ZFAND4: variants seen among roughly 807,000 people sequenced by gnomAD.
ZFAND4 encodes zinc finger AN1-type containing 4, also known as AN1-type zinc finger protein 4.
ZFAND4 carries 43 observed loss-of-function variants against 64.4 expected under a neutral mutation model. That is an observed-to-expected ratio of 0.67 (90% confidence interval 0.52 to 0.86). ZFAND4 has a LOEUF of 0.86. Among genes scored for constraint, ZFAND4 ranks in the 40% least tolerant of loss-of-function variants. The pLI is 0.00. For synonymous variants in ZFAND4, 296 were observed against 305.7 expected (o/e 0.97, Z 0.33); for missense variants, 929 against 859.8 (o/e 1.08, Z -1.01).
At chr10:45,630,712 C>G (rs2046146839) in intron 6 of ZFAND4, among the ~76,000 whole-genome samples, 1 of 151,802 alleles carries the variant, frequency 6.6e-6, no homozygotes, top group African/African-American at 2.4e-5. Context: ...GGCGACACAG[C>G]AAGACTCCAT....
At chr10:45,643,367 T>A (rs2047155434) in intron 5 of ZFAND4, among the ~76,000 whole-genome samples, 1 of 151,794 alleles carries the variant, frequency 6.6e-6, no homozygotes. Flanking sequence ...TCCTTATCTA[T>A]CTTTCTGCTT....
Position 45,616,487 on chromosome 10 carries a change from G to GT in ZFAND4, c.2132dup (p.Tyr711Ter). Residue 711 changes from tyrosine (Y) to a stop codon, truncating the protein, a stop_gained and frameshift_variant, in exon 10 of 10, where the codon TAC (tyrosine) becomes TAAC (stop). Coordinates refer to ENST00000344646, the MANE Select transcript of ZFAND4 (RefSeq NM_174890.4). LOFTEE classifies it high-confidence loss of function. ...TAACCACAGGATTTGCCTCGTGCAA[G>GT]TATCTCCTCCCTGCACTCTTGTAAT... ...TYDYKSAGRRYLHEANPVVNA... is the reference protein window; with the variant it reads ...TYDYKSAGRR The GT allele has an allele frequency of 1.2e-6, 2 of 1,614,222 alleles. No individual in the cohort carries two copies. The highest frequency in any genetic ancestry group is 1.7e-6 in the Non-Finnish European group (2 of 1,180,034).
At chr10:45,638,800 C>T (rs2046796510) in intron 6 of ZFAND4, among the ~76,000 whole-genome samples, 1 of 152,128 alleles carries the variant, frequency 6.6e-6, no homozygotes, top group Admixed American at 6.5e-5. Context: ...ATACATACAA[C>T]CACATGGATA....
chr10:45,644,503 C>T (rs1043354741), intron 5 of ZFAND4, among the ~76,000 whole-genome samples: 5 of 151,958 alleles, frequency 3.3e-5, no homozygotes, highest in Non-Finnish European at 7.4e-5. Flanking sequence ...GCTATAAAAC[C>T]AAAGAAGTTT....
At chr10:45,642,905 C>T (rs59390133) in intron 5 of ZFAND4, among the ~76,000 whole-genome samples, 18,287 of 142,912 alleles carry the variant, frequency 0.13, 1,345 homozygotes, top group Admixed American at 0.19. Flanking sequence ...GTAATTTCTC[C>T]AAATCTTTTT....
At chr10:45,650,875 G>A (rs2047715636) in intron 4 of ZFAND4, 1 of 152,014 alleles carries the variant, frequency 6.6e-6, no homozygotes, top group Non-Finnish European at 1.5e-5. Flanking sequence ...AAAAGTCTCT[G>A]GTATCAGGAG....
intron 2 of ZFAND4, 133 bp from the exon 3 acceptor site, chr10:45,653,192 T>G (rs1042788248): frequency 1.6e-6 from 1 of 643,900 alleles, no homozygotes; most frequent in Non-Finnish European, 2.6e-6. Flanking sequence ...GAATGCTAGG[T>G]GCTAAAATTT....
At chr10:45,654,514 T>C (rs2047974004) in intron 2 of ZFAND4, among the ~76,000 whole-genome samples, 1 of 151,250 alleles carries the variant, frequency 6.6e-6, no homozygotes. Flanking sequence ...AGCTACTCTG[T>C]AGGCTGAGGC....
In ZFAND4 at chr10:45,626,196, T is replaced by G. The variant is rs367885376; in HGVS notation, c.1627A>C (p.Lys543Gln). ...SLGKRSDVIS[K>Q]VEARDITEMT... ...TCTGTGATATCCCGAGCCTCAACTT[T>G]GGAAATAACATCAGATCTTTTCCCA... is the stretch of plus-strand genomic sequence containing the variant. The change falls in exon 7 of 10, where the codon AAA (lysine) becomes CAA (glutamine). Residue 543 changes from lysine to glutamine, a missense_variant. Transcript: ENST00000344646. 1.2e-6 allele frequency: 2 copies of G among 1,614,056 alleles called. No individual in the cohort carries two copies. The highest frequency in any genetic ancestry group is 1.7e-5 in the Admixed American group (1 of 59,994).
At position 45,616,278 on chromosome 10, in the gene ZFAND4, TA is replaced by T; in HGVS notation, c.*157del. 1 of 974,546 alleles carries T rather than the reference TA, an allele frequency of 1.0e-6. No individual in the cohort carries two copies. The highest frequency in any genetic ancestry group is 1.5e-6 in the Non-Finnish European group (1 of 686,094). 60.4% of individuals were successfully genotyped at this position (974,546 alleles called of 1,614,324 possible). A position where few individuals can be genotyped will look rare whatever the true frequency, so the allele number is the denominator to read the frequency against. On this transcript the variant is annotated 3_prime_UTR_variant, in exon 10 of 10. Transcript: ENST00000344646. ...TTTGTTTCACCAAGAAATAAAGATG[TA>T]AAATACAGTAGCATTCTTGTTCTCC...
chr10:45,663,780 T>C lies in ZFAND4; in HGVS notation c.-55A>G. On this transcript the variant is annotated 5_prime_UTR_variant, in exon 2 of 10. Coordinates refer to ENST00000344646, the MANE Select transcript of ZFAND4 (RefSeq NM_174890.4). ...ATGTCGCAGGCAACTGTATTCCAGT[T>C]CTAGGCAAACCAGGTTTGAAGATTG... is the stretch of plus-strand genomic sequence containing the variant. 1.4e-6 allele frequency: 2 copies of C among 1,462,114 alleles called. No individual in the cohort carries two copies. Among genetic ancestry groups the C allele is most frequent in the Non-Finnish European group, 9.2e-7 (1 of 1,087,490 alleles). The allele number at this position is 1,462,114 out of a possible 1,614,324, so 90.6% of individuals were successfully genotyped here.
intron 1 of ZFAND4, among the ~76,000 whole-genome samples, chr10:45,670,029 A>T (rs2049076028): frequency 6.6e-6 from 1 of 152,190 alleles, no homozygotes; most frequent in Non-Finnish European, 1.5e-5. Context: ...AGTTCTGGCC[A>T]GAGCAATCAG....
In ZFAND4 at chr10:45,627,102, T is replaced by C; in HGVS notation, c.721A>G (p.Lys241Glu). Residue 241 changes from lysine (K) to glutamate (E), a missense_variant, in exon 7 of 10, where the codon AAG becomes GAG. Lys to Glu is a moderately conservative substitution (Grantham distance 56). Transcript: ENST00000344646. ...TGAGGTTTTATCTTGACAGCTTTCT[T>C]AGGCTAAAAGGAATGAATATACAGT... ...MKNMNLSKKP[K>E]KAVKIKPHPP... is the part of the protein sequence containing the mutation. 6.5e-7 allele frequency: 1 copy of C among 1,532,748 alleles called. No homozygotes were observed. Among genetic ancestry groups the C allele is most frequent in the South Asian group, 1.3e-5 (1 of 76,508 alleles). 94.9% of individuals were successfully genotyped at this position (1,532,748 alleles called of 1,614,324 possible).
chr10:45,656,199 C>G (rs2048089837), intron 2 of ZFAND4, among the ~76,000 whole-genome samples: 2 of 151,928 alleles, frequency 1.3e-5, no homozygotes, highest in South Asian at 4.2e-4. Context: ...CCACTGCACT[C>G]CAGCCTTGAC....
chr10:45,638,881 G>T (rs2046802533), intron 6 of ZFAND4, among the ~76,000 whole-genome samples: 1 of 152,098 alleles, frequency 6.6e-6, no homozygotes, highest in Non-Finnish European at 1.5e-5. Context: ...TAAATTTCAG[G>T]AATAGGAAAA....
chr10:45,638,831 C>T (rs1441793265), intron 6 of ZFAND4, among the ~76,000 whole-genome samples: 1 of 152,044 alleles, frequency 6.6e-6, no homozygotes, highest in Non-Finnish European at 1.5e-5. Context: ...ATACTTTTAA[C>T]AAAAGAAACC....
At chr10:45,642,094 C>T (rs1416001577) in intron 5 of ZFAND4, among the ~76,000 whole-genome samples, 1 of 152,104 alleles carries the variant, frequency 6.6e-6, no homozygotes, top group Non-Finnish European at 1.5e-5. Flanking sequence ...GTCATGTCAC[C>T]CTGTGGAGTT....
intron 5 of ZFAND4, among the ~76,000 whole-genome samples, chr10:45,644,059 T>C (rs957505160): frequency 4.6e-5 from 7 of 152,248 alleles, no homozygotes; most frequent in African/African-American, 1.7e-4. Context: ...ATGGCAGAGT[T>C]GAGTAGCTAT....
intron 2 of ZFAND4, among the ~76,000 whole-genome samples, chr10:45,653,645 C>T (rs1338488051): frequency 6.6e-6 from 1 of 152,098 alleles, no homozygotes; most frequent in African/African-American, 2.4e-5. Context: ...GTCAGAATGG[C>T]TATTAATAAA....
Sources: gnomAD v4.1 joint callset for allele counts (sites outside exome capture counted in the v4.1 genomes callset) on GRCh38, gnomAD v4.1.1 for gene constraint, MANE v1.5 for transcripts, NCBI Gene and HGNC (gene_info 2026-07-23, HGNC 2026-07-21) for gene names.